ANO10: variants seen among roughly 807,000 people sequenced by gnomAD.
ANO10 encodes the protein anoctamin 10.
Under a neutral mutation model 74.7 loss-of-function variants are expected in ANO10, and 77 were observed. That is an observed-to-expected ratio of 1.03 (90% CI 0.86 to 1.25). The LOEUF is 1.25. Ranked by LOEUF, ANO10 falls within the 50% of genes most tolerant of loss-of-function variation. ANO10 has a pLI of 0.00. For missense variants in ANO10, 721 were observed against 778.1 expected, an observed-to-expected ratio of 0.93 and a Z score of 0.87; for synonymous variants, 279 against 284.9, an observed-to-expected ratio of 0.98 and a Z score of 0.21.
At chr3:43,620,714 G>A (rs2083349597) in intron 1 of ANO10, among the ~76,000 whole-genome samples, 1 of 152,180 alleles carries the variant, frequency 6.6e-6, no homozygotes, top group African/African-American at 2.4e-5. Flanking sequence ...GCAGTGAGCA[G>A]ACATTGTGCC....
At chr3:43,376,777 G>T (rs1189451608) in intron 12 of ANO10, among the ~76,000 whole-genome samples, 1 of 152,192 alleles carries the variant, frequency 6.6e-6, no homozygotes, top group Non-Finnish European at 1.5e-5. Context: ...ACTTTGGCAT[G>T]GCTCCTTTCT....
intron 12 of ANO10, among the ~76,000 whole-genome samples, chr3:43,426,766 C>T (rs544358472): frequency 7.2e-5 from 11 of 152,312 alleles, no homozygotes; most frequent in African/African-American, 2.4e-4. Flanking sequence ...TTACTGTCTA[C>T]AATTCTTTGT....
At chr3:43,411,175 G>A (rs1354494717) in intron 12 of ANO10, among the ~76,000 whole-genome samples, 1 of 152,168 alleles carries the variant, frequency 6.6e-6, no homozygotes, top group Non-Finnish European at 1.5e-5. Flanking sequence ...TGAGGAACTG[G>A]TCATGGAAAA....
intron 5 of ANO10, among the ~76,000 whole-genome samples, chr3:43,579,522 A>G (rs2149410787): frequency 6.6e-6 from 1 of 152,328 alleles, no homozygotes; most frequent in East Asian, 1.9e-4. Flanking sequence ...GTTCGAAACT[A>G]GCCTGGCCAA....
intron 4 of ANO10, among the ~76,000 whole-genome samples, chr3:43,591,634 C>T (rs373706577): frequency 5.3e-5 from 8 of 152,126 alleles, no homozygotes; most frequent in African/African-American, 1.7e-4. Context: ...CCAAGATGGC[C>T]GAATAGGAAA....
intron 7 of ANO10, among the ~76,000 whole-genome samples, chr3:43,573,929 A>G (rs1222497842): frequency 6.6e-6 from 1 of 152,134 alleles, no homozygotes; most frequent in African/African-American, 2.4e-5. Context: ...ACATATCTAA[A>G]AAGTGGGTTA....
chr3:43,432,559 T>C, intron 12 of ANO10, 52 bp downstream of exon 12: 1 of 1,397,804 alleles, frequency 7.2e-7, no homozygotes. Flanking sequence ...TGAATTATTT[T>C]TCCTGTCATT....
intron 12 of ANO10, among the ~76,000 whole-genome samples, chr3:43,386,371 A>G (rs1350724226): frequency 1.4e-5 from 2 of 141,410 alleles, no homozygotes; most frequent in Admixed American, 1.4e-4. Context: ...GGAAATAAAG[A>G]GGAAGAAAGG....
intron 10 of ANO10, among the ~76,000 whole-genome samples, chr3:43,552,690 A>C (rs1237329490): frequency 9.7e-6 from 1 of 102,842 alleles, no homozygotes; most frequent in Non-Finnish European, 2.0e-5. Flanking sequence ...GAAAAATATT[A>C]TCTCTGGATA....
intron 11 of ANO10, among the ~76,000 whole-genome samples, chr3:43,548,849 T>C (rs923799860): frequency 1.6e-4 from 24 of 152,214 alleles, no homozygotes; most frequent in African/African-American, 5.5e-4. Context: ...GGGATCCATA[T>C]TCTGAAACAT....
chr3:43,392,268 T>TCC (rs75089248), intron 12 of ANO10, among the ~76,000 whole-genome samples: 37 of 152,130 alleles, frequency 2.4e-4, no homozygotes, highest in Non-Finnish European at 3.8e-4. Flanking sequence ...ACACTTTTAT[T>TCC]CCCCAGTTCC....
At chr3:43,661,123 T>C (rs1026263469) in intron 1 of ANO10, among the ~76,000 whole-genome samples, 1 of 151,682 alleles carries the variant, frequency 6.6e-6, no homozygotes, top group African/African-American at 2.4e-5. Context: ...AAGGTTGAAA[T>C]GAAGGAAAAA....
rs1003499995 is a variant in ANO10 at position 43,612,049 on chromosome 3, C to A, written c.-11-6186G>T. On this transcript the variant is annotated intron_variant, in intron 1 of 12. Transcript: ENST00000292246. ...ATTCTCTCCCTACCTCTAGAATCTC[C>A]TTTTCCTTCTGGCTTCCCCACCACT... Among the ~76,000 whole-genome samples, 5 of 150,200 alleles carry A rather than the reference C, an allele frequency of 3.3e-5. No individual in the cohort carries two copies. In the Admixed American group the frequency reaches 3.3e-4, roughly 10 times the overall value.
intron 1 of ANO10, among the ~76,000 whole-genome samples, chr3:43,669,601 T>A (rs1430349737): frequency 6.6e-6 from 1 of 152,182 alleles, no homozygotes; most frequent in Non-Finnish European, 1.5e-5. Flanking sequence ...ACTTCTCTGA[T>A]GGAGCTAAAA....
intron 1 of ANO10, among the ~76,000 whole-genome samples, chr3:43,611,140 A>T (rs915834427): frequency 1.4e-4 from 21 of 152,310 alleles, no homozygotes; most frequent in Middle Eastern, 3.4e-3. Context: ...AATTCGAGAC[A>T]ATAGTATGTG....
intron 11 of ANO10, among the ~76,000 whole-genome samples, chr3:43,501,009 A>T (rs2077080159): frequency 6.6e-6 from 1 of 152,244 alleles, no homozygotes; most frequent in Non-Finnish European, 1.5e-5. Flanking sequence ...TGAAGAAATT[A>T]GTTGTATTCT....
chr3:43,497,801 G>T (rs61102363), intron 11 of ANO10, among the ~76,000 whole-genome samples: 68,629 of 152,030 alleles, frequency 0.45, 18,344 homozygotes, highest in East Asian at 0.77. Context: ...ATGAAATAAA[G>T]ATTTTTATTC....
At chr3:43,651,676 A>G (rs1331476820) in intron 1 of ANO10, among the ~76,000 whole-genome samples, 1 of 152,194 alleles carries the variant, frequency 6.6e-6, no homozygotes, top group Non-Finnish European at 1.5e-5. Context: ...TGGATTTTAA[A>G]TGTGAAAAAC....
chr3:43,687,729 A>G (rs753954383), intron 1 of ANO10, among the ~76,000 whole-genome samples: 11 of 152,152 alleles, frequency 7.2e-5, no homozygotes, highest in Non-Finnish European at 1.5e-4. Flanking sequence ...GAGGTAGGGG[A>G]CCAAGCTGGC....
Sources: gnomAD v4.1 joint callset for allele counts (sites outside exome capture counted in the v4.1 genomes callset) on GRCh38, gnomAD v4.1.1 for gene constraint, MANE v1.5 for transcripts, NCBI Gene and HGNC (gene_info 2026-07-23, HGNC 2026-07-21) for gene names.